PCDHGB2: variants seen among roughly 807,000 people sequenced by gnomAD.
PCDHGB2 encodes the protein protocadherin gamma-B2.
PCDHGB2 carries 55 observed loss-of-function variants against 59.3 expected under a neutral mutation model. The observed-to-expected ratio is 0.93, with a 90% CI of 0.75 to 1.16. The LOEUF is 1.16. Among genes scored for constraint, PCDHGB2 ranks in the 50% most tolerant of loss-of-function variants. The pLI, the probability that PCDHGB2 is intolerant of heterozygous loss-of-function variation, is 0.00. For synonymous variants in PCDHGB2, 516 were observed against 512.0 expected (o/e 1.01, Z -0.11); for missense variants, 1,228 against 1,198.5 (o/e 1.02, Z -0.36).
At chr5:141,506,237 T>G (rs558256375) in intron 3 of PCDHGB2, among the ~76,000 whole-genome samples, 1 of 152,014 alleles carries the variant, frequency 6.6e-6, no homozygotes, top group South Asian at 2.1e-4. Flanking sequence ...GATCATGAGG[T>G]CAGGAGTTCG....
chr5:141,419,240 G>A lies in PCDHGB2; in HGVS notation c.2421+56684G>A, dbSNP rs753956971. On this transcript the variant is annotated intron_variant, in intron 1 of 3. Coordinates refer to ENST00000522605, the MANE Select transcript of PCDHGB2 (RefSeq NM_018923.3). ...CGGACAGTCAGCCTACCTGGTCCAC[G>A]TGCCAGAAAACAACCAGCCGGGTGC... is the stretch of plus-strand genomic sequence containing the variant. 6.8e-6 allele frequency: 11 copies of A among 1,613,862 alleles called. No individual in the cohort carries two copies. The highest frequency in any genetic ancestry group is 1.7e-5 in the Admixed American group (1 of 60,018).
chr5:141,489,944 T>A lies in PCDHGB2; in HGVS notation c.2422-4863T>A. On this transcript the variant is annotated intron_variant, in intron 1 of 3. Coordinates refer to ENST00000522605, the MANE Select transcript of PCDHGB2 (RefSeq NM_018923.3). The surrounding 1 kb of genome is among the most constrained non-coding windows in gnomAD (Gnocchi z 4.5). ...CTTATCTCTGTCATCGTGCTGGACA[T>A]CAATGATAATGCTCCAACCTTCCAA... 1 of 1,614,172 alleles carries A rather than the reference T, an allele frequency of 6.2e-7. No individual in the cohort carries two copies. The highest frequency in any genetic ancestry group is 8.5e-7 in the Non-Finnish European group (1 of 1,180,010).
At chr5:141,428,145 A>T (rs748256830) in intron 1 of PCDHGB2, 11 of 1,592,456 alleles carry the variant, frequency 6.9e-6, no homozygotes, top group Non-Finnish European at 8.6e-7. Flanking sequence ...GGGGCTGCAC[A>T]CGGGAACCTG....
Position 141,376,335 on chromosome 5 carries a change from A to G in PCDHGB2, c.2421+13779A>G, listed in dbSNP as rs754863044. On this transcript the variant is annotated intron_variant, in intron 1 of 3. Coordinates refer to ENST00000522605, the MANE Select transcript of PCDHGB2 (RefSeq NM_018923.3). ...GTGGAAGGGGTTCGGGCTTTCCTGCAGACCTATTCCCACGAGGTCTCACTC... is the reference window on the plus strand; with the variant it reads ...GTGGAAGGGGTTCGGGCTTTCCTGCGGACCTATTCCCACGAGGTCTCACTC... 9 of 1,614,080 alleles carry G rather than the reference A, an allele frequency of 5.6e-6. No individual in the cohort carries two copies. The East Asian group carries it at 6.7e-5, about 12-fold the overall frequency.
At chr5:141,481,180 T>C (rs1354907506) in intron 1 of PCDHGB2, among the ~76,000 whole-genome samples, 1 of 152,236 alleles carries the variant, frequency 6.6e-6, no homozygotes, top group Admixed American at 6.5e-5. Flanking sequence ...CCAGCTTTAT[T>C]GGGCCAGGCC....
chr5:141,360,569 C>A lies in PCDHGB2; in HGVS notation c.434C>A (p.Ser145Tyr). The A allele has an allele frequency of 6.2e-7, 1 of 1,613,934 alleles. No individual in the cohort carries two copies. Residue 145 changes from serine (S) to tyrosine (Y), a missense_variant, in exon 1 of 4, where the codon TCC (serine) becomes TAC (tyrosine). Ser to Tyr is a moderately radical substitution (Grantham distance 144). This residue lies in a region of PCDHGB2 where 781 missense variants were observed against 721.6 expected (regional missense o/e 1.08). Coordinates refer to ENST00000522605, the MANE Select transcript of PCDHGB2 (RefSeq NM_018923.3). Reference sequence around the variant, plus strand: ...AAGATTAATTTAAAAATTGGCGAATCCACTAAGCCAGGTACAACATTTCCA... The same window carrying A: ...AAGATTAATTTAAAAATTGGCGAATACACTAAGCCAGGTACAACATTTCCA... ...QTKINLKIGE[S>Y]TKPGTTFPLD...
chr5:141,370,542 C>T (rs1009513071), intron 1 of PCDHGB2: 17 of 1,613,784 alleles, frequency 1.1e-5, no homozygotes, highest in Non-Finnish European at 1.4e-5. Context: ...GGTAGGGAAC[C>T]TCGCCAAGGA....
intron 1 of PCDHGB2, chr5:141,394,346 C>T: frequency 1.2e-6 from 2 of 1,614,156 alleles, no homozygotes; most frequent in Non-Finnish European, 1.7e-6. Context: ...ACTCTGACAC[C>T]GGTGTCCTGT....
In PCDHGB2 at chr5:141,392,850, C is replaced by T. The variant is rs752526573; in HGVS notation, c.2421+30294C>T. ...ACAGAGTCGCCCCAGACGCGGCGAG[C>T]TGATCCTGCTGTGCGCGCTGCTGGG... On this transcript the variant is annotated intron_variant, in intron 1 of 3. Coordinates refer to ENST00000522605, the MANE Select transcript of PCDHGB2 (RefSeq NM_018923.3). The T allele has an allele frequency of 3.1e-6, 5 of 1,610,550 alleles. No homozygotes were observed. In the African/African-American group the frequency reaches 5.3e-5, roughly 17 times the overall value.
rs951041324 is a variant in PCDHGB2, at chr5:141,360,693, A to T, written c.558A>T (p.Pro186=). The T allele has an allele frequency of 6.2e-7, 1 of 1,613,908 alleles. No homozygotes were observed. The highest frequency in any genetic ancestry group is 8.5e-7 in the Non-Finnish European group (1 of 1,179,916). Residue 186 remains proline, a synonymous_variant, in exon 1 of 4, where the codon CCA becomes CCT. Transcript: ENST00000522605. ...EYFDLAEKQT[P]DGRKYPELIL... ...TTGATCTCGCTGAGAAACAGACTCC[A>T]GATGGTCGTAAATATCCTGAGTTGA...
At chr5:141,494,268 C>G (rs576129333) in intron 1 of PCDHGB2, among the ~76,000 whole-genome samples, 31 of 152,288 alleles carry the variant, frequency 2.0e-4, no homozygotes, top group African/African-American at 7.2e-4. Flanking sequence ...TTCTTGCAAG[C>G]CAAGGGCCCA....
chr5:141,422,140 C>T (rs1275997338), intron 1 of PCDHGB2: 15 of 1,586,774 alleles, frequency 9.5e-6, no homozygotes, highest in Non-Finnish European at 1.3e-5. Flanking sequence ...AGTTCAAGTA[C>T]GGGGGTCTCT....
At chr5:141,414,904 A>G in intron 1 of PCDHGB2, 2 of 1,614,190 alleles carry the variant, frequency 1.2e-6, no homozygotes, top group Non-Finnish European at 1.7e-6. Context: ...AGACGGTTCC[A>G]CAGGCGTGGA....
chr5:141,361,468 G>C lies in PCDHGB2; in HGVS notation c.1333G>C (p.Val445Leu). 3 of 1,614,008 alleles carry C rather than the reference G, an allele frequency of 1.9e-6. No homozygotes were observed. Among genetic ancestry groups the C allele is most frequent in the Non-Finnish European group, 2.5e-6 (3 of 1,179,892 alleles). ...AATTGTCACCCTGCACATCTCCGAC[G>C]TCAACGATAATGCCCCAGTTTTCCA... ...SIIVTLHISDVNDNAPVFQQT... is the reference protein window; with the variant it reads ...SIIVTLHISDLNDNAPVFQQT... The change falls in exon 1 of 4, where the codon GTC becomes CTC. Residue 445 changes from valine to leucine, a missense_variant. By Grantham distance (32) the Val-to-Leu change is conservative. Around this residue, in one of 3 missense-constraint regions of PCDHGB2, gnomAD observed 781 missense variants for 721.6 expected, o/e 1.08. Transcript: ENST00000522605.
Position 141,361,454 on chromosome 5 carries a change from T to G in PCDHGB2, c.1319T>G (p.Leu440Arg), listed in dbSNP as rs780424534. The change falls in exon 1 of 4, where the codon CTG becomes CGG. Residue 440 changes from leucine to arginine, a missense_variant. By Grantham distance (102) the Leu-to-Arg change is moderately radical (BLOSUM62 -2). Coordinates refer to ENST00000522605, the MANE Select transcript of PCDHGB2 (RefSeq NM_018923.3). ...PPLSSSIIVT[L>R]HISDVNDNAP... ...CTCTCCTCCAGCATAATTGTCACCC[T>G]GCACATCTCCGACGTCAACGATAAT... is the stretch of plus-strand genomic sequence containing the variant. 1 of 1,614,026 alleles carries G rather than the reference T, an allele frequency of 6.2e-7. No individual in the cohort carries two copies. The highest frequency in any genetic ancestry group is 8.5e-7 in the Non-Finnish European group (1 of 1,179,884).
chr5:141,384,914 T>C, intron 1 of PCDHGB2: 1 of 1,613,988 alleles, frequency 6.2e-7, no homozygotes, highest in Non-Finnish European at 8.5e-7. Flanking sequence ...CCCGAAGTCT[T>C]GGCCGACCTG....
chr5:141,434,253 G>C (rs979768901), intron 1 of PCDHGB2, among the ~76,000 whole-genome samples: 9 of 152,198 alleles, frequency 5.9e-5, no homozygotes, highest in Non-Finnish European at 1.3e-4. Flanking sequence ...CTTGGGCATT[G>C]TGGGGGAGGT....
At position 141,370,660 on chromosome 5, in the gene PCDHGB2, G is replaced by T. The variant is rs199537402; in HGVS notation, c.2421+8104G>T. 1.4e-4 allele frequency: 220 copies of T among 1,613,752 alleles called. No individual in the cohort carries two copies. The highest frequency in any genetic ancestry group is 4.9e-4 in the Middle Eastern group (3 of 6,084). Reference sequence around the variant, plus strand: ...AATGGGAACTTACTTGTGAGCGACCGTATAGACCGAGAGGAGATTTGTGGC... The same window carrying T: ...AATGGGAACTTACTTGTGAGCGACCTTATAGACCGAGAGGAGATTTGTGGC... On this transcript the variant is annotated intron_variant, in intron 1 of 3. Transcript: ENST00000522605.
intron 1 of PCDHGB2, among the ~76,000 whole-genome samples, chr5:141,386,382 A>T (rs2090551092): frequency 6.6e-6 from 1 of 152,330 alleles, no homozygotes; most frequent in South Asian, 2.1e-4. Context: ...AGTATTAATT[A>T]AAAACACACT....
Sources: gnomAD v4.1 joint callset for allele counts (sites outside exome capture counted in the v4.1 genomes callset) on GRCh38, gnomAD v4.1.1 for gene constraint, gnomAD v4.1.1 regional missense constraint, Gnocchi (gnomAD v3.1) non-coding constraint, MANE v1.5 for transcripts, NCBI Gene and HGNC (gene_info 2026-07-23, HGNC 2026-07-21) for gene names.